CSMD1: variants seen among roughly 807,000 people sequenced by gnomAD.
CSMD1 encodes the protein CUB and sushi domain-containing protein 1.
CSMD1 carries 213 observed loss-of-function variants against 417.5 expected under a neutral mutation model. The ratio of observed to expected loss-of-function variants is 0.51; its 90% CI spans 0.46 to 0.57. The LOEUF is 0.57. Among genes scored for constraint, CSMD1 ranks in the 20% least tolerant of loss-of-function variants. The pLI, the probability that CSMD1 is intolerant of heterozygous loss-of-function variation, is 0.00. For synonymous variants in CSMD1, 2,862 were observed against 1,736.8 expected, an observed-to-expected ratio of 1.65 and a Z score of -16.11; for missense variants, 6,923 against 4,529.7, an observed-to-expected ratio of 1.53 and a Z score of -15.17.
intron 40 of CSMD1, among the ~76,000 whole-genome samples, chr8:3,147,761 T>G (rs996363685): frequency 6.6e-6 from 1 of 152,188 alleles, no homozygotes; most frequent in African/African-American, 2.4e-5. Flanking sequence ...AAATTTCCAG[T>G]GATACTTCAA....
intron 21 of CSMD1, among the ~76,000 whole-genome samples, chr8:3,355,116 C>G (rs1429251646): frequency 6.6e-6 from 1 of 151,826 alleles, no homozygotes; most frequent in Non-Finnish European, 1.5e-5. Context: ...TTATTTCGCC[C>G]AATGACTTTC....
At chr8:3,465,890 C>G (rs1816766772) in intron 12 of CSMD1, among the ~76,000 whole-genome samples, 1 of 152,104 alleles carries the variant, frequency 6.6e-6, no homozygotes, top group African/African-American at 2.4e-5. Context: ...CTGAAAATTT[C>G]TGGGGAAACT....
At chr8:4,279,895 G>A in intron 3 of CSMD1, among the ~76,000 whole-genome samples, 1 of 152,148 alleles carries the variant, frequency 6.6e-6, no homozygotes, top group Non-Finnish European at 1.5e-5. Flanking sequence ...TGCGTCAAAA[G>A]CTTGTGTTCT....
chr8:3,566,108 G>T (rs759291230), intron 10 of CSMD1, among the ~76,000 whole-genome samples: 2 of 151,888 alleles, frequency 1.3e-5, no homozygotes, highest in South Asian at 2.1e-4. Context: ...GGAAGGAGGC[G>T]GAGAAGAAGG....
At chr8:3,344,453 G>C (rs71521843) in intron 22 of CSMD1, among the ~76,000 whole-genome samples, 4 of 152,000 alleles carry the variant, frequency 2.6e-5, no homozygotes, top group Non-Finnish European at 5.9e-5. Flanking sequence ...CAGAGCTTAA[G>C]ATAAAATAAA....
intron 11 of CSMD1, among the ~76,000 whole-genome samples, chr8:3,472,770 A>G (rs149995594): frequency 3.2e-4 from 48 of 152,270 alleles, no homozygotes; most frequent in African/African-American, 1.1e-3. Context: ...ACTCATAAGT[A>G]TAAGGGGGAA....
chr8:3,490,886 C>G (rs1818334733), intron 11 of CSMD1, among the ~76,000 whole-genome samples: 1 of 151,710 alleles, frequency 6.6e-6, no homozygotes, highest in African/African-American at 2.4e-5. Context: ...TTTTTTTTTA[C>G]CTAGTAATTT....
chr8:4,424,563 G>C (rs1240788653), intron 2 of CSMD1, among the ~76,000 whole-genome samples: 1 of 152,052 alleles, frequency 6.6e-6, no homozygotes, highest in East Asian at 1.9e-4. Context: ...ATGCTGGCTA[G>C]AACGTGGAGA....
intron 3 of CSMD1, among the ~76,000 whole-genome samples, chr8:4,109,110 A>G (rs1483009910): frequency 6.6e-6 from 1 of 152,206 alleles, no homozygotes; most frequent in African/African-American, 2.4e-5. Context: ...ACATTAAATC[A>G]TCTCTAGATT....
At chr8:4,110,126 G>A (rs1563135968) in intron 3 of CSMD1, among the ~76,000 whole-genome samples, 2 of 152,116 alleles carry the variant, frequency 1.3e-5, no homozygotes, top group Non-Finnish European at 2.9e-5. Context: ...TTGGAAAAGT[G>A]TCTTAGAATA....
intron 4 of CSMD1, among the ~76,000 whole-genome samples, chr8:4,001,319 G>C (rs1815655372): frequency 6.6e-6 from 1 of 152,120 alleles, no homozygotes; most frequent in Non-Finnish European, 1.5e-5. Flanking sequence ...ACCAGCCATA[G>C]CTCCAGGACA....
chr8:3,160,738 A>G (rs764904496), intron 38 of CSMD1, among the ~76,000 whole-genome samples: 1 of 152,314 alleles, frequency 6.6e-6, no homozygotes, highest in Non-Finnish European at 1.5e-5. Flanking sequence ...TGTGCCAGTT[A>G]TTTCACAGAT....
At chr8:3,459,762 C>G (rs1378693193) in intron 12 of CSMD1, among the ~76,000 whole-genome samples, 2 of 152,064 alleles carry the variant, frequency 1.3e-5, no homozygotes, top group East Asian at 3.9e-4. Flanking sequence ...GGCACATGAA[C>G]AGATTTGGGT....
intron 3 of CSMD1, among the ~76,000 whole-genome samples, chr8:4,372,910 T>C (rs967296885): frequency 2.6e-5 from 4 of 152,180 alleles, no homozygotes; most frequent in African/African-American, 9.7e-5. Context: ...TAACTCCCCA[T>C]CCCTTAAGCA....
chr8:4,242,328 A>T (rs1402331131), intron 3 of CSMD1, among the ~76,000 whole-genome samples: 5 of 152,194 alleles, frequency 3.3e-5, no homozygotes, highest in Non-Finnish European at 5.9e-5. Context: ...AGTGATTAGT[A>T]AACATGAAAA....
intron 1 of CSMD1, among the ~76,000 whole-genome samples, chr8:4,946,473 T>C (rs1338308238): frequency 2.0e-5 from 3 of 152,060 alleles, no homozygotes; most frequent in African/African-American, 7.2e-5. Flanking sequence ...TGACCCTCTA[T>C]GGAGACTACC....
chr8:3,872,525 G>A (rs1424468225), intron 5 of CSMD1, among the ~76,000 whole-genome samples: 1 of 152,312 alleles, frequency 6.6e-6, no homozygotes, highest in South Asian at 2.1e-4. Context: ...TGTTCTGCCA[G>A]GTCACTGAAA....
intron 1 of CSMD1, among the ~76,000 whole-genome samples, chr8:4,688,203 G>A (rs1806512665): frequency 6.6e-6 from 1 of 151,866 alleles, no homozygotes; most frequent in African/African-American, 2.4e-5. Flanking sequence ...AGATTCTTTG[G>A]GTTTTAAATA....
chr8:3,033,251 A>C (rs189357246), intron 50 of CSMD1, among the ~76,000 whole-genome samples: 2 of 152,210 alleles, frequency 1.3e-5, no homozygotes, highest in Admixed American at 1.3e-4. Flanking sequence ...CAAATTTCCT[A>C]TTAATATACC....
Sources: allele counts gnomAD v4.1 joint callset (sites outside exome capture counted in the v4.1 genomes callset), GRCh38; gene constraint gnomAD v4.1.1; transcripts MANE v1.5; gene names NCBI Gene and HGNC (gene_info 2026-07-23, HGNC 2026-07-21).